The following MOB3B variants were observed in gnomAD, a reference collection of about 807,000 sequenced individuals.
MOB3B encodes the protein MOB kinase activator 3B, also known as MOB kinase activator-like 2B.
In MOB3B, 7 loss-of-function variants were observed where a neutral mutation model predicts 18.7. The observed-to-expected ratio is 0.37, with a 90% CI of 0.21 to 0.70. The LOEUF (loss-of-function observed/expected upper bound fraction) is 0.70, where lower values mean the gene tolerates loss of function less well. Among genes scored for constraint, MOB3B ranks in the 30% least tolerant of loss-of-function variants. MOB3B has a pLI of 0.52. For synonymous variants in MOB3B, 111 were observed against 99.9 expected (o/e 1.11, Z -0.66); for missense variants, 253 against 281.3 (o/e 0.90, Z 0.72).
rs764890015 is a variant in MOB3B at position 27,359,245 on chromosome 9, GA to G, written c.419-10del. On this transcript the variant is annotated splice_polypyrimidine_tract_variant and intron_variant, in intron 2 of 3. Coordinates refer to ENST00000262244, the MANE Select transcript of MOB3B (RefSeq NM_024761.5). ...CTTTGGGAAGGGAACACCTAGAGAAGAAAAAAAGAAGAAAGAATGAAACCAT... is the reference window on the plus strand; with the variant it reads ...CTTTGGGAAGGGAACACCTAGAGAAGAAAAAAGAAGAAAGAATGAAACCAT... The G allele has an allele frequency of 6.2e-7, 1 of 1,608,838 alleles. No homozygotes were observed.
chr9:27,406,705 C>T (rs1821983723), intron 2 of MOB3B, among the ~76,000 whole-genome samples: 1 of 152,216 alleles, frequency 6.6e-6, no homozygotes, highest in African/African-American at 2.4e-5. Flanking sequence ...GAAACTAGAT[C>T]TCTCTCTCTT....
intron 1 of MOB3B, among the ~76,000 whole-genome samples, chr9:27,473,686 C>T (rs1468919372): frequency 6.6e-6 from 1 of 152,078 alleles, no homozygotes; most frequent in East Asian, 1.9e-4. Flanking sequence ...CCCTCAGCTT[C>T]ATCAGAGGTC....
intron 2 of MOB3B, among the ~76,000 whole-genome samples, chr9:27,405,397 C>T (rs10967927): frequency 0.32 from 49,078 of 151,850 alleles, 8,340 homozygotes; most frequent in Non-Finnish European, 0.37. Flanking sequence ...TGAGCCACCA[C>T]GCCCAACCTG....
At chr9:27,482,283 C>T (rs1268468096) in intron 1 of MOB3B, among the ~76,000 whole-genome samples, 1 of 122,290 alleles carries the variant, frequency 8.2e-6, no homozygotes, top group Non-Finnish European at 1.7e-5. Flanking sequence ...TGGAGCCCCA[C>T]TGGCCACTCA....
In MOB3B at chr9:27,455,194, G is replaced by T; in HGVS notation, c.357C>A (p.Asn119Lys). The change falls in exon 2 of 4, where the codon AAC becomes AAA. Residue 119 changes from asparagine (N) to lysine (K), a missense_variant. Physicochemically the swap from Asn to Lys is moderately conservative, Grantham distance 94. Coordinates refer to ENST00000262244, the MANE Select transcript of MOB3B (RefSeq NM_024761.5). ...GAACCTCAATCCAATCCATAAGAAGGTTCATGTACTGGGGAGCTGGCAGCG... is the reference window on the plus strand; with the variant it reads ...GAACCTCAATCCAATCCATAAGAAGTTTCATGTACTGGGGAGCTGGCAGCG... Reference protein sequence around the residue: ...PTALPAPQYMNLLMDWIEVQI... With the variant: ...PTALPAPQYMKLLMDWIEVQI... 6.2e-7 allele frequency: 1 copy of T among 1,614,092 alleles called. No homozygotes were observed. The highest frequency in any genetic ancestry group is 1.1e-5 in the South Asian group (1 of 91,080).
intron 2 of MOB3B, among the ~76,000 whole-genome samples, chr9:27,448,924 C>T (rs920659222): frequency 6.6e-6 from 1 of 152,160 alleles, no homozygotes; most frequent in Non-Finnish European, 1.5e-5. Context: ...CCTTGCCCAA[C>T]GTTATTTTAA....
At chr9:27,379,883 G>A (rs1455505650) in intron 2 of MOB3B, among the ~76,000 whole-genome samples, 5 of 152,142 alleles carry the variant, frequency 3.3e-5, no homozygotes, top group Non-Finnish European at 1.5e-5. Context: ...AGTACAAAGT[G>A]TACCTAGGTA....
intron 2 of MOB3B, among the ~76,000 whole-genome samples, chr9:27,361,266 G>A (rs976165724): frequency 1.6e-4 from 24 of 152,238 alleles, no homozygotes; most frequent in Admixed American, 7.9e-4. Flanking sequence ...AACCAAGTCC[G>A]CCTGACTCTA....
At chr9:27,484,191 G>A (rs1055074815) in intron 1 of MOB3B, among the ~76,000 whole-genome samples, 3 of 152,178 alleles carry the variant, frequency 2.0e-5, no homozygotes, top group African/African-American at 7.2e-5. Flanking sequence ...GTTGAACATA[G>A]AAGTGATCAG....
intron 3 of MOB3B, among the ~76,000 whole-genome samples, chr9:27,336,514 A>T (rs1342943290): frequency 2.0e-5 from 3 of 152,276 alleles, no homozygotes; most frequent in East Asian, 3.9e-4. Flanking sequence ...AAGGAGCAGG[A>T]GGACCCTTGG....
intron 1 of MOB3B, among the ~76,000 whole-genome samples, chr9:27,505,492 T>C (rs1303046467): frequency 6.6e-6 from 1 of 152,258 alleles, no homozygotes; most frequent in African/African-American, 2.4e-5. Context: ...GATCCTGAGA[T>C]GTTCTGCAGT....
intron 3 of MOB3B, among the ~76,000 whole-genome samples, chr9:27,355,007 G>A (rs7048625): frequency 0.41 from 63,020 of 152,034 alleles, 13,260 homozygotes; most frequent in Middle Eastern, 0.51. Context: ...CCATGCTATG[G>A]ATGAGGAAAA....
chr9:27,347,320 T>G (rs2131345008), intron 3 of MOB3B, among the ~76,000 whole-genome samples: 1 of 152,338 alleles, frequency 6.6e-6, no homozygotes, highest in East Asian at 1.9e-4. Flanking sequence ...TGCCTTTTTA[T>G]TTTTACCAGT....
chr9:27,496,880 C>T (rs1219817523), intron 1 of MOB3B, among the ~76,000 whole-genome samples: 1 of 152,126 alleles, frequency 6.6e-6, no homozygotes, highest in Non-Finnish European at 1.5e-5. Context: ...ACATGTTCCC[C>T]AGCAGACATT....
chr9:27,448,730 A>G (rs570651804), intron 2 of MOB3B, among the ~76,000 whole-genome samples: 1 of 152,268 alleles, frequency 6.6e-6, no homozygotes, highest in South Asian at 2.1e-4. Flanking sequence ...AGCTTTATTC[A>G]TATGCCTTCC....
At chr9:27,444,751 C>G (rs1822664840) in intron 2 of MOB3B, among the ~76,000 whole-genome samples, 1 of 152,144 alleles carries the variant, frequency 6.6e-6, no homozygotes, top group Non-Finnish European at 1.5e-5. Flanking sequence ...AAATTTATCT[C>G]AGTTTCCTCA....
At chr9:27,394,244 T>G (rs577302837) in intron 2 of MOB3B, 2 of 152,232 alleles carry the variant, frequency 1.3e-5, no homozygotes, top group East Asian at 3.9e-4. Flanking sequence ...TCGTCAAGCC[T>G]CCTTCAAGAT....
intron 1 of MOB3B, among the ~76,000 whole-genome samples, chr9:27,522,524 A>G (rs1346855177): frequency 6.6e-6 from 1 of 151,400 alleles, no homozygotes; most frequent in Non-Finnish European, 1.5e-5. Flanking sequence ...TACAAAGTGT[A>G]TCTATCCAAG....
chr9:27,524,842 T>C (rs1587279914), intron 1 of MOB3B: 1 of 1,614,064 alleles, frequency 6.2e-7, no homozygotes, highest in East Asian at 2.2e-5. Flanking sequence ...TTCCACAGGA[T>C]AGACAATTTC....
Sources: allele counts gnomAD v4.1 joint callset (sites outside exome capture counted in the v4.1 genomes callset), GRCh38; gene constraint gnomAD v4.1.1; transcripts MANE v1.5; gene names NCBI Gene and HGNC (gene_info 2026-07-23, HGNC 2026-07-21).